Variants in PPP3R1 observed in about 807,000 individuals in gnomAD.
PPP3R1 encodes the protein calcineurin subunit B type 1.
PPP3R1 carries 5 observed loss-of-function variants against 22.6 expected under a neutral mutation model. The observed-to-expected ratio is 0.22, with a 90% CI of 0.12 to 0.46. The LOEUF (loss-of-function observed/expected upper bound fraction) is 0.46. Ranked by LOEUF, PPP3R1 falls within the 20% of genes least tolerant of loss-of-function variation. The probability of loss-of-function intolerance (pLI) is 0.99; values close to 1 mark genes in which losing one functional copy is unlikely to be tolerated. For missense variants in PPP3R1, 61 were observed against 203.2 expected, an observed-to-expected ratio of 0.30 and a Z score of 4.25; for synonymous variants, 56 against 65.2, an observed-to-expected ratio of 0.86 and a Z score of 0.68.
At chr2:68,241,930 G>A (rs2103809477) in intron 1 of PPP3R1, among the ~76,000 whole-genome samples, 1 of 151,816 alleles carries the variant, frequency 6.6e-6, no homozygotes, top group South Asian at 2.1e-4. Context: ...AGTATCTAAT[G>A]GAAACTTCTG....
At chr2:68,215,331 C>T (rs939638642) in intron 2 of PPP3R1, among the ~76,000 whole-genome samples, 1 of 152,014 alleles carries the variant, frequency 6.6e-6, no homozygotes, top group Non-Finnish European at 1.5e-5. Context: ...AAACCCCCCC[C>T]AAAATTCAAA....
intron 2 of PPP3R1, among the ~76,000 whole-genome samples, chr2:68,206,817 A>G (rs1558633743): frequency 6.6e-6 from 1 of 152,228 alleles, no homozygotes; most frequent in Non-Finnish European, 1.5e-5. Flanking sequence ...ACAGTATGTT[A>G]CAGCATATAA....
At chr2:68,243,310 T>C (rs895902963) in intron 1 of PPP3R1, among the ~76,000 whole-genome samples, 1 of 152,140 alleles carries the variant, frequency 6.6e-6, no homozygotes, top group African/African-American at 2.4e-5. Context: ...GCGCCAGACC[T>C]ATAAATTAGT....
At chr2:68,251,197 G>T (rs897670067) in intron 1 of PPP3R1, 27 of 152,262 alleles carry the variant, frequency 1.8e-4, no homozygotes, top group African/African-American at 6.0e-4. Context: ...CTAAAAGGGC[G>T]TCGTTGATTT....
At chr2:68,207,241 G>T (rs1026828891) in intron 2 of PPP3R1, among the ~76,000 whole-genome samples, 2 of 146,288 alleles carry the variant, frequency 1.4e-5, no homozygotes, top group Non-Finnish European at 3.0e-5. Flanking sequence ...AAAAAAGCAT[G>T]TAAGATTCTA....
chr2:68,182,345 C>CT (rs1026507961), intron 5 of PPP3R1, among the ~76,000 whole-genome samples: 1 of 152,132 alleles, frequency 6.6e-6, no homozygotes, highest in Non-Finnish European at 1.5e-5. Flanking sequence ...CCCTCATTCT[C>CT]TATTTGCTTT....
intron 1 of PPP3R1, among the ~76,000 whole-genome samples, chr2:68,218,421 GTTAAT>G (rs760276210): frequency 1.3e-5 from 2 of 152,074 alleles, no homozygotes; most frequent in South Asian, 2.1e-4. Context: ...TCCAGAACTG[GTTAAT>G]TTAATATTAG....
At chr2:68,207,653 A>T (rs1669339444) in intron 2 of PPP3R1, among the ~76,000 whole-genome samples, 2 of 152,200 alleles carry the variant, frequency 1.3e-5, no homozygotes, top group South Asian at 4.1e-4. Flanking sequence ...AGAAATAAAA[A>T]ATTAATGTCC....
intron 2 of PPP3R1, among the ~76,000 whole-genome samples, chr2:68,193,020 A>G (rs985132378): frequency 4.6e-5 from 7 of 152,134 alleles, no homozygotes; most frequent in African/African-American, 1.7e-4. Context: ...TTTATCTTAT[A>G]GTTGTATCAT....
intron 2 of PPP3R1, among the ~76,000 whole-genome samples, chr2:68,210,904 C>T (rs1190257014): frequency 6.6e-6 from 1 of 152,088 alleles, no homozygotes; most frequent in Non-Finnish European, 1.5e-5. Context: ...ATTTGGGATG[C>T]TCAGTCAGTA....
At position 68,181,591 on chromosome 2, in the gene PPP3R1, T is replaced by G. The variant is rs974323559; in HGVS notation, c.466-581A>C. Reference sequence around the variant, plus strand: ...GGCTACATGTAGTTTCTTTCACATTTTCCTTTTTTTTTTTTTTTCAAAACA... The same window carrying G: ...GGCTACATGTAGTTTCTTTCACATTGTCCTTTTTTTTTTTTTTTCAAAACA... On this transcript the variant is annotated intron_variant, in intron 5 of 5. Coordinates refer to ENST00000234310, the MANE Select transcript of PPP3R1 (RefSeq NM_000945.4). Among the ~76,000 whole-genome samples, 4 of 88,986 alleles carry G rather than the reference T, an allele frequency of 4.5e-5. No homozygotes were observed. In the East Asian group the frequency reaches 8.2e-4, roughly 18 times the overall value. 58.4% of individuals were successfully genotyped at this position (88,986 alleles called of 152,430 possible).
chr2:68,218,250 A>G (rs1399311272), intron 1 of PPP3R1, among the ~76,000 whole-genome samples: 2 of 152,074 alleles, frequency 1.3e-5, no homozygotes, highest in Non-Finnish European at 2.9e-5. Context: ...GAAAACCTGA[A>G]TTCTTTTTTT....
intron 1 of PPP3R1, among the ~76,000 whole-genome samples, chr2:68,220,684 C>A (rs574497267): frequency 2.0e-5 from 3 of 152,146 alleles, no homozygotes; most frequent in Admixed American, 1.3e-4. Flanking sequence ...TGTATGACAT[C>A]CAATATAAAA....
intron 1 of PPP3R1, among the ~76,000 whole-genome samples, chr2:68,225,015 A>G (rs537173729): frequency 6.6e-6 from 1 of 152,376 alleles, no homozygotes; most frequent in South Asian, 2.1e-4. Context: ...CTGGCATAAT[A>G]AATATGGCTA....
intron 1 of PPP3R1, among the ~76,000 whole-genome samples, chr2:68,249,600 A>G (rs1670300188): frequency 6.6e-6 from 1 of 152,156 alleles, no homozygotes; most frequent in Non-Finnish European, 1.5e-5. Context: ...CACCTCGTTC[A>G]GGGGAAATTC....
At chr2:68,238,217 A>C (rs1197428643) in intron 1 of PPP3R1, among the ~76,000 whole-genome samples, 1 of 151,728 alleles carries the variant, frequency 6.6e-6, no homozygotes, top group East Asian at 1.9e-4. Flanking sequence ...ACAAAGATGA[A>C]AAAAAAAATG....
Position 68,180,773 on chromosome 2 carries a change from C to T in PPP3R1, c.*190G>A, listed in dbSNP as rs191957824. On this transcript the variant is annotated 3_prime_UTR_variant, in exon 6 of 6. Coordinates refer to ENST00000234310, the MANE Select transcript of PPP3R1 (RefSeq NM_000945.4). ...CTGTCCTTCAGACTTTAAAGTGCTA[C>T]ACTGAGTTATTGAGAGAATTACAGT... The T allele has an allele frequency of 1.7e-4, 103 of 596,054 alleles. No individual in the cohort carries two copies. The highest frequency in any genetic ancestry group is 1.6e-3 in the African/African-American group (88 of 53,544). 36.9% of individuals were successfully genotyped at this position (596,054 alleles called of 1,614,324 possible).
At chr2:68,240,235 G>A (rs553666218) in intron 1 of PPP3R1, among the ~76,000 whole-genome samples, 2 of 152,224 alleles carry the variant, frequency 1.3e-5, no homozygotes, top group East Asian at 1.9e-4. Context: ...TAAGACAAAC[G>A]ACCTGTAACC....
rs1241644340 is a variant in PPP3R1 at position 68,212,088 on chromosome 2, G to GT, written c.43+5003dup. Among the ~76,000 whole-genome samples the GT allele has an allele frequency of 4.3e-3, 649 of 151,354 alleles. 5 individuals are homozygous for GT. The highest frequency in any genetic ancestry group is 0.013 in the African/African-American group (537 of 41,260). ...TAGTGAATCCTTTCCCGGTTTGTTT[G>GT]TTTTTTTTTGGAGACAAGGTCTCGC... On this transcript the variant is annotated intron_variant, in intron 2 of 5. Transcript: ENST00000234310.
Sources: allele counts gnomAD v4.1 joint callset (sites outside exome capture counted in the v4.1 genomes callset), GRCh38; gene constraint gnomAD v4.1.1; transcripts MANE v1.5; gene names NCBI Gene and HGNC (gene_info 2026-07-23, HGNC 2026-07-21).